TTLL2: variants seen among roughly 807,000 people sequenced by gnomAD.
TTLL2 encodes the protein probable tubulin polyglutamylase TTLL2.
A neutral mutation model predicts 7.5 loss-of-function variants in TTLL2; 10 were observed. That is an observed-to-expected ratio of 1.33 (90% CI 0.82 to 2.25). TTLL2 has a LOEUF of 2.25. Among genes scored for constraint, TTLL2 ranks in the 30% most tolerant of loss-of-function variants. TTLL2 has a pLI of 0.00. For synonymous variants in TTLL2, 284 were observed against 280.3 expected (o/e 1.01, Z -0.13); for missense variants, 733 against 735.7 (o/e 1.00, Z 0.04).
Position 167,341,007 on chromosome 6 carries a change from C to T in TTLL2, c.1107C>T (p.Leu369=). ...SVPFAANCFE[L]FGFDILIDDN... ...CCTTTGCTGCCAATTGCTTTGAGCT[C>T]TTTGGGTTTGATATTTTGATTGATG... Residue 369 remains leucine, a synonymous_variant, in exon 3 of 3, where the codon CTC becomes CTT. Coordinates refer to ENST00000239587, the MANE Select transcript of TTLL2 (RefSeq NM_031949.5). 6.2e-7 allele frequency: 1 copy of T among 1,614,030 alleles called. No homozygotes were observed. Among genetic ancestry groups the T allele is most frequent in the Non-Finnish European group, 8.5e-7 (1 of 1,180,004 alleles).
In TTLL2 at chr6:167,341,212, G is replaced by C. The variant is rs748651103; in HGVS notation, c.1312G>C (p.Asp438His). The part of the protein sequence containing the change: ...SNATHGNSNI[D>H]AAKSDRGGLD... ...TGCCACACATGGAAATTCCAACATCGACGCTGCAAAAAGTGACAGAGGTGG... is the reference window on the plus strand; with the variant it reads ...TGCCACACATGGAAATTCCAACATCCACGCTGCAAAAAGTGACAGAGGTGG... Residue 438 changes from aspartate to histidine, a missense_variant, in exon 3 of 3, where the codon GAC becomes CAC. By Grantham distance (81) the Asp-to-His change is moderately conservative (BLOSUM62 -1). Coordinates refer to ENST00000239587, the MANE Select transcript of TTLL2 (RefSeq NM_031949.5). 6.2e-7 allele frequency: 1 copy of C among 1,613,542 alleles called. No homozygotes were observed. Among genetic ancestry groups the C allele is most frequent in the South Asian group, 1.1e-5 (1 of 91,046 alleles).
chr6:167,327,342 G>A (rs1367511203), intron 1 of TTLL2, among the ~76,000 whole-genome samples: 1 of 152,150 alleles, frequency 6.6e-6, no homozygotes, highest in Non-Finnish European at 1.5e-5. Context: ...CAGCAGAACT[G>A]TTCTTGGGTA....
chr6:167,325,390 A>G (rs78722761), intron 1 of TTLL2, among the ~76,000 whole-genome samples, 170 bp downstream of exon 1: 2,094 of 152,310 alleles, frequency 0.014, 72 homozygotes, highest in Admixed American at 0.087. Flanking sequence ...CCTTCAAGGG[A>G]AAAGCAGTCC....
chr6:167,328,088 G>C (rs1778870446), intron 1 of TTLL2: 1 of 451,066 alleles, frequency 2.2e-6, no homozygotes, highest in Admixed American at 2.4e-5. Flanking sequence ...GTTGCTCTGG[G>C]GCTCTGTCCT....
chr6:167,329,240 G>T (rs1204695519), intron 1 of TTLL2, among the ~76,000 whole-genome samples: 1 of 152,094 alleles, frequency 6.6e-6, no homozygotes, highest in Non-Finnish European at 1.5e-5. Context: ...TAATCAGAAA[G>T]TTCCTTGGTA....
chr6:167,331,082 C>A (rs1778915005), intron 1 of TTLL2, among the ~76,000 whole-genome samples: 1 of 152,174 alleles, frequency 6.6e-6, no homozygotes, highest in African/African-American at 2.4e-5. Context: ...CTACTCAGTA[C>A]AAATGAGTGT....
chr6:167,339,984 C>A, intron 2 of TTLL2, 121 bp from the exon 3 acceptor site: 1 of 1,064,356 alleles, frequency 9.4e-7, no homozygotes, highest in Non-Finnish European at 1.4e-6. Flanking sequence ...GGTGAGACTG[C>A]ACAGTGGGAG....
intron 1 of TTLL2, among the ~76,000 whole-genome samples, chr6:167,337,828 C>A (rs1223979187): frequency 6.6e-6 from 1 of 151,412 alleles, no homozygotes; most frequent in Non-Finnish European, 1.5e-5. Context: ...AACATACACA[C>A]AACACACAGA....
intron 2 of TTLL2, 42 bp from the exon 3 acceptor site, chr6:167,340,063 T>C: frequency 1.3e-6 from 2 of 1,535,512 alleles, no homozygotes; most frequent in South Asian, 1.3e-5. Flanking sequence ...TAGGTTATGG[T>C]CTTGACCACT....
intron 1 of TTLL2, among the ~76,000 whole-genome samples, chr6:167,326,174 G>C (rs1778846096): frequency 6.6e-6 from 1 of 152,142 alleles, no homozygotes; most frequent in African/African-American, 2.4e-5. Flanking sequence ...TTGGGGCTGA[G>C]CGTACACATG....
intron 1 of TTLL2, chr6:167,328,144 T>A: frequency 2.2e-6 from 1 of 456,116 alleles, no homozygotes; most frequent in Non-Finnish European, 4.4e-6. Context: ...AGAAAAAGAC[T>A]CTTAGTTATT....
chr6:167,330,820 G>T (rs1416720654), intron 1 of TTLL2, among the ~76,000 whole-genome samples: 2 of 152,270 alleles, frequency 1.3e-5, no homozygotes, highest in Non-Finnish European at 2.9e-5. Flanking sequence ...GACCAAAAAG[G>T]GCAGTGAGGG....
Position 167,341,968 on chromosome 6 carries a change from G to A in TTLL2, c.*289G>A, listed in dbSNP as rs566663170. On this transcript the variant is annotated 3_prime_UTR_variant, in exon 3 of 3. Transcript: ENST00000239587. ...CCAGTAATTGAATGTGCTACACTACGATTATGCTATGTATGTATTTAAAGA... is the reference window on the plus strand; with the variant it reads ...CCAGTAATTGAATGTGCTACACTACAATTATGCTATGTATGTATTTAAAGA... 2.0e-5 allele frequency: 7 copies of A among 346,624 alleles called. No homozygotes were observed. The highest frequency in any genetic ancestry group is 8.2e-4 in the Middle Eastern group (1 of 1,214). The allele number at this position is 346,624 out of a possible 1,614,324, so 21.5% of individuals were successfully genotyped here. A position where few individuals can be genotyped will look rare whatever the true frequency, so the allele number is the denominator to read the frequency against.
rs765064335 is a variant in TTLL2, at chr6:167,341,027, T to C, written c.1127T>C (p.Ile376Thr). The C allele has an allele frequency of 7.4e-6, 12 of 1,614,126 alleles. No homozygotes were observed. The highest frequency in any genetic ancestry group is 1.0e-5 in the Non-Finnish European group (12 of 1,180,008). Reference protein sequence around the residue: ...CFELFGFDILIDDNLKPWLLE... With the variant: ...CFELFGFDILTDDNLKPWLLE... The stretch of plus-strand genomic sequence containing the variant: ...GAGCTCTTTGGGTTTGATATTTTGA[T>C]TGATGACAACTTGAAACCATGGCTT... Residue 376 changes from isoleucine to threonine, a missense_variant, in exon 3 of 3, where the codon ATT becomes ACT. Ile to Thr is a moderately conservative substitution (Grantham distance 89). Transcript: ENST00000239587.
chr6:167,328,457 G>C (rs1037982157), intron 1 of TTLL2: 4 of 261,940 alleles, frequency 1.5e-5, no homozygotes, highest in African/African-American at 6.5e-5. Flanking sequence ...GGTCACTCCT[G>C]GTCATTGGAA....
rs373378018 is a variant in TTLL2, at chr6:167,340,217, G to C, written c.317G>C (p.Arg106Thr). Residue 106 changes from arginine (R) to threonine (T), a missense_variant, in exon 3 of 3, where the codon AGG becomes ACG. By Grantham distance (71) the Arg-to-Thr change is moderately conservative. Transcript: ENST00000239587. ...PAVVQSVLLE[R>T]GWNKFDKQEQ... The stretch of plus-strand genomic sequence containing the variant: ...GTGGTGCAAAGCGTCCTCCTGGAGA[G>C]GGGGTGGAATAAGTTTGATAAGCAG... 1 of 1,614,066 alleles carries C rather than the reference G, an allele frequency of 6.2e-7. No individual in the cohort carries two copies. Among genetic ancestry groups the C allele is most frequent in the African/African-American group, 1.3e-5 (1 of 75,010 alleles).
In TTLL2 at chr6:167,328,768, T is replaced by C. The variant is rs573268698; in HGVS notation, c.47+3548T>C. Among the ~76,000 whole-genome samples the C allele has an allele frequency of 2.6e-5, 4 of 152,294 alleles. No homozygotes were observed. In the East Asian group the frequency reaches 7.7e-4, roughly 29 times the overall value. ...CATTGCCTGTTCTTGTAGGCTGTGATGTGGCAACAACTCTGTTTAATCTCC... is the reference window on the plus strand; with the variant it reads ...CATTGCCTGTTCTTGTAGGCTGTGACGTGGCAACAACTCTGTTTAATCTCC... On this transcript the variant is annotated intron_variant, in intron 1 of 2. Transcript: ENST00000239587.
chr6:167,336,627 G>C (rs1384846354), intron 1 of TTLL2, among the ~76,000 whole-genome samples: 3 of 152,046 alleles, frequency 2.0e-5, no homozygotes, highest in South Asian at 2.1e-4. Flanking sequence ...CCATAGGGAC[G>C]AGAGTCCCTC....
intron 1 of TTLL2, among the ~76,000 whole-genome samples, chr6:167,327,405 T>C (rs1293285652): frequency 6.6e-6 from 1 of 152,200 alleles, no homozygotes; most frequent in South Asian, 2.1e-4. Context: ...TGTATGTAGC[T>C]TTTGCATCTT....
Sources: allele counts gnomAD v4.1 joint callset (sites outside exome capture counted in the v4.1 genomes callset), GRCh38; gene constraint gnomAD v4.1.1; transcripts MANE v1.5; gene names NCBI Gene and HGNC (gene_info 2026-07-23, HGNC 2026-07-21).